Variants in RORA observed in about 807,000 individuals in gnomAD.
RORA encodes the protein RAR related orphan receptor A, also known as nuclear receptor ROR-alpha.
Under a neutral mutation model 69.5 loss-of-function variants are expected in RORA, and 7 were observed. That is an observed-to-expected ratio of 0.10 (90% CI 0.06 to 0.19). The LOEUF (loss-of-function observed/expected upper bound fraction) is 0.19. Among genes scored for constraint, RORA ranks in the 10% least tolerant of loss-of-function variants. The pLI is 1.00. For synonymous variants in RORA, 261 were observed against 240.8 expected, an observed-to-expected ratio of 1.08 and a Z score of -0.78; for missense variants, 457 against 663.0, an observed-to-expected ratio of 0.69 and a Z score of 3.41.
chr15:61,127,587 G>T (rs1031714802), intron 1 of RORA, among the ~76,000 whole-genome samples: 4 of 152,122 alleles, frequency 2.6e-5, no homozygotes, highest in Non-Finnish European at 4.4e-5. Flanking sequence ...GAAATGAATG[G>T]CAATCAACAC....
chr15:60,680,931 A>G (rs2070633383), intron 1 of RORA, among the ~76,000 whole-genome samples: 1 of 152,328 alleles, frequency 6.6e-6, no homozygotes, highest in South Asian at 2.1e-4. Flanking sequence ...TTGCATTACA[A>G]CTGCTTAATT....
intron 1 of RORA, among the ~76,000 whole-genome samples, chr15:61,152,399 C>T (rs571313117): frequency 2.0e-5 from 3 of 151,870 alleles, no homozygotes; most frequent in African/African-American, 7.2e-5. Flanking sequence ...ATAGATGTTT[C>T]CTTCCAAATC....
chr15:60,920,483 G>A (rs1410292384), intron 1 of RORA, among the ~76,000 whole-genome samples: 1 of 152,114 alleles, frequency 6.6e-6, no homozygotes, highest in African/African-American at 2.4e-5. Flanking sequence ...ACTGTCAGTA[G>A]GCCACCCATT....
At chr15:60,804,287 C>CAAAAAAAA (rs5813037) in intron 1 of RORA, among the ~76,000 whole-genome samples, 3 of 58,158 alleles carry the variant, frequency 5.2e-5, no homozygotes, top group African/African-American at 6.9e-5. Context: ...AACTCCATCT[C>CAAAAAAAA]AAAAAAAAAA....
At chr15:60,655,945 A>C (rs2070214961) in intron 2 of RORA, among the ~76,000 whole-genome samples, 1 of 152,230 alleles carries the variant, frequency 6.6e-6, no homozygotes, top group South Asian at 2.1e-4. Context: ...TTTAACACTT[A>C]GTGATTATAT....
chr15:60,872,514 G>T (rs1312091782), intron 1 of RORA, among the ~76,000 whole-genome samples: 3 of 152,004 alleles, frequency 2.0e-5, no homozygotes, highest in Non-Finnish European at 4.4e-5. Context: ...TAGCAACCAA[G>T]TATAAAGTAG....
chr15:60,526,943 T>C (rs967384111), intron 3 of RORA, among the ~76,000 whole-genome samples: 2 of 152,252 alleles, frequency 1.3e-5, no homozygotes, highest in Non-Finnish European at 2.9e-5. Context: ...CTCTAGATAT[T>C]TTTGAAAAGC....
intron 1 of RORA, among the ~76,000 whole-genome samples, chr15:60,931,853 G>A (rs1275303637): frequency 6.6e-6 from 1 of 152,142 alleles, no homozygotes. Context: ...CATTTCTCCA[G>A]CTAAATATTG....
At chr15:60,559,216 G>A (rs928203249) in intron 2 of RORA, among the ~76,000 whole-genome samples, 1 of 152,050 alleles carries the variant, frequency 6.6e-6, no homozygotes, top group Admixed American at 6.5e-5. Flanking sequence ...GTAATGCTCT[G>A]AAGGCCTTCT....
intron 1 of RORA, among the ~76,000 whole-genome samples, chr15:61,075,379 C>A (rs970582564): frequency 2.0e-5 from 3 of 152,178 alleles, no homozygotes; most frequent in Admixed American, 6.5e-5. Context: ...CATGACTCAG[C>A]CTTGTGTTCG....
intron 2 of RORA, among the ~76,000 whole-genome samples, chr15:60,576,291 A>G (rs1485832034): frequency 6.6e-6 from 1 of 152,198 alleles, no homozygotes; most frequent in African/African-American, 2.4e-5. Flanking sequence ...GGGGGCACCA[A>G]CTTCTCTCTT....
intron 1 of RORA, among the ~76,000 whole-genome samples, chr15:60,908,535 G>C (rs1314499161): frequency 6.6e-6 from 1 of 152,128 alleles, no homozygotes; most frequent in Non-Finnish European, 1.5e-5. Flanking sequence ...CTAAAAATAA[G>C]CTTTGGGAAG....
At chr15:60,766,166 T>TTC (rs1372528453) in intron 1 of RORA, among the ~76,000 whole-genome samples, 1 of 152,116 alleles carries the variant, frequency 6.6e-6, no homozygotes, top group Non-Finnish European at 1.5e-5. Flanking sequence ...TTGAAAATAG[T>TTC]TCTGCTCTGT....
chr15:61,156,657 T>C (rs537083025), intron 1 of RORA, among the ~76,000 whole-genome samples: 2 of 152,266 alleles, frequency 1.3e-5, no homozygotes, highest in Admixed American at 6.5e-5. Context: ...AGCCATCCTT[T>C]AGGGTATAAA....
At chr15:60,947,685 C>CAACA (rs1308601903) in intron 1 of RORA, among the ~76,000 whole-genome samples, 12 of 6,832 alleles carry the variant, frequency 1.8e-3, no homozygotes, top group Non-Finnish European at 3.2e-3. Flanking sequence ...CAAGAATGAT[C>CAACA]AATAAAAAAA....
chr15:60,523,476 T>G (rs933643777), intron 3 of RORA, among the ~76,000 whole-genome samples: 4 of 152,230 alleles, frequency 2.6e-5, no homozygotes, highest in African/African-American at 9.6e-5. Flanking sequence ...GATACCAAAG[T>G]TATCTACATA....
At chr15:60,584,836 G>A (rs535939830) in intron 2 of RORA, among the ~76,000 whole-genome samples, 254 of 152,296 alleles carry the variant, frequency 1.7e-3, no homozygotes, top group African/African-American at 5.9e-3. Context: ...GGGTGGCGCA[G>A]TTTGTAAAAC....
chr15:61,121,105 C>T (rs2079099718), intron 1 of RORA, among the ~76,000 whole-genome samples: 1 of 151,512 alleles, frequency 6.6e-6, no homozygotes, highest in Non-Finnish European at 1.5e-5. Flanking sequence ...CCGCCTCAGC[C>T]TCCCAAAGTG....
chr15:61,205,201 C>A (rs564179149), intron 1 of RORA, among the ~76,000 whole-genome samples: 1 of 152,274 alleles, frequency 6.6e-6, no homozygotes, highest in South Asian at 2.1e-4. Context: ...GCAGCAAGCC[C>A]ACAGAGCCTG....
Sources: allele counts gnomAD v4.1 joint callset (sites outside exome capture counted in the v4.1 genomes callset), GRCh38; gene constraint gnomAD v4.1.1; transcripts MANE v1.5; gene names NCBI Gene and HGNC (gene_info 2026-07-23, HGNC 2026-07-21).